SPECC1: variants seen among roughly 807,000 people sequenced by gnomAD.
SPECC1 encodes the protein cytospin-B.
Under a neutral mutation model 104.1 loss-of-function variants are expected in SPECC1, and 62 were observed. That is an observed-to-expected ratio of 0.60 (90% confidence interval 0.49 to 0.74). The LOEUF (loss-of-function observed/expected upper bound fraction) is 0.74. SPECC1 is among the 30% of genes least tolerant of loss of function. The pLI is 0.00. For missense variants in SPECC1, 1,306 were observed against 1,310.5 expected (o/e 1.00, Z 0.05); for synonymous variants, 513 against 501.6 (o/e 1.02, Z -0.30).
intron 10 of SPECC1, among the ~76,000 whole-genome samples, chr17:20,256,414 A>G (rs1943338950): frequency 6.6e-6 from 1 of 152,092 alleles, no homozygotes; most frequent in Non-Finnish European, 1.5e-5. Flanking sequence ...GCAGAAACCA[A>G]AGATTAATGT....
At chr17:20,195,156 C>T (rs893220960) in intron 3 of SPECC1, among the ~76,000 whole-genome samples, 9 of 152,120 alleles carry the variant, frequency 5.9e-5, no homozygotes, top group African/African-American at 1.9e-4. Flanking sequence ...TCTGTTGTTA[C>T]GCTCTCCAAA....
intron 3 of SPECC1, among the ~76,000 whole-genome samples, chr17:20,157,278 A>G (rs1457925053): frequency 6.6e-6 from 1 of 152,018 alleles, no homozygotes; most frequent in African/African-American, 2.4e-5. Context: ...CTTGGGGTAC[A>G]TTGGACTGGT....
chr17:20,112,755 G>GT (rs1415043268), intron 3 of SPECC1: 14 of 1,246,768 alleles, frequency 1.1e-5, no homozygotes, highest in Middle Eastern at 2.7e-4. Context: ...AACCTGAAAG[G>GT]TGTGGATATG....
At chr17:20,304,853 A>G (rs921508510) in intron 13 of SPECC1, among the ~76,000 whole-genome samples, 1 of 152,078 alleles carries the variant, frequency 6.6e-6, no homozygotes, top group Non-Finnish European at 1.5e-5. Context: ...GTGTCAGAAT[A>G]GAATGGCGGC....
chr17:20,115,095 G>T (rs1240854359), intron 3 of SPECC1, among the ~76,000 whole-genome samples: 2 of 152,162 alleles, frequency 1.3e-5, no homozygotes, highest in East Asian at 3.9e-4. Flanking sequence ...GCAGATTTTA[G>T]ATCTAATGTA....
chr17:20,264,627 A>G (rs1598107213), intron 12 of SPECC1, among the ~76,000 whole-genome samples: 1 of 151,878 alleles, frequency 6.6e-6, no homozygotes, highest in East Asian at 1.9e-4. Context: ...GCACCCCACC[A>G]CACCTGGCTA....
At chr17:20,076,864 C>T (rs190820405) in intron 1 of SPECC1, among the ~76,000 whole-genome samples, 1 of 150,846 alleles carries the variant, frequency 6.6e-6, no homozygotes, top group Non-Finnish European at 1.5e-5. Flanking sequence ...CAGAACCAGC[C>T]GACAGTATCA....
intron 12 of SPECC1, among the ~76,000 whole-genome samples, chr17:20,260,843 G>A (rs1475058707): frequency 6.6e-6 from 1 of 152,080 alleles, no homozygotes; most frequent in Non-Finnish European, 1.5e-5. Flanking sequence ...GGTAGGGGAT[G>A]TGGGTCAGTT....
intron 1 of SPECC1, among the ~76,000 whole-genome samples, chr17:20,049,359 C>T (rs1223152677): frequency 2.6e-5 from 4 of 152,030 alleles, no homozygotes; most frequent in Admixed American, 1.3e-4. Context: ...CTGGTACTAT[C>T]ATTTGAGCCC....
chr17:20,186,551 C>T (rs2035291603), intron 3 of SPECC1, among the ~76,000 whole-genome samples: 1 of 152,144 alleles, frequency 6.6e-6, no homozygotes, highest in Admixed American at 6.5e-5. Context: ...AAATGGTTTA[C>T]GTGATTTTTG....
At chr17:20,067,016 G>A (rs928898869) in intron 1 of SPECC1, among the ~76,000 whole-genome samples, 6 of 149,936 alleles carry the variant, frequency 4.0e-5, no homozygotes, top group African/African-American at 1.2e-4. Context: ...CTGCCAAAGT[G>A]CTGAGATTCT....
At chr17:20,245,374 G>A (rs2039377617) in intron 7 of SPECC1, among the ~76,000 whole-genome samples, 1 of 152,140 alleles carries the variant, frequency 6.6e-6, no homozygotes, top group Admixed American at 6.5e-5. Flanking sequence ...TGTCTACATA[G>A]TGAATGCCCG....
chr17:20,058,228 T>C (rs1436941755), intron 1 of SPECC1, among the ~76,000 whole-genome samples: 6 of 152,180 alleles, frequency 3.9e-5, no homozygotes, highest in Non-Finnish European at 7.4e-5. Context: ...TGCGAGCACC[T>C]TTCTCCTTAG....
intron 1 of SPECC1, among the ~76,000 whole-genome samples, chr17:20,020,347 T>C (rs1287147373): frequency 2.0e-5 from 3 of 152,124 alleles, no homozygotes; most frequent in Admixed American, 6.5e-5. Flanking sequence ...ATTTTTTTTA[T>C]TTTTTTGAGA....
At chr17:20,195,349 A>G (rs1195428378) in intron 3 of SPECC1, among the ~76,000 whole-genome samples, 1 of 144,226 alleles carries the variant, frequency 6.9e-6, no homozygotes, top group East Asian at 2.3e-4. Context: ...AGAATTTTAC[A>G]TAACAATTAT....
intron 3 of SPECC1, among the ~76,000 whole-genome samples, chr17:20,115,932 A>G (rs973491424): frequency 1.1e-3 from 167 of 152,344 alleles, no homozygotes; most frequent in African/African-American, 3.5e-3. Context: ...AAATGAGGGA[A>G]CAAAATGATG....
At chr17:20,103,072 G>C (rs1332782639) in intron 2 of SPECC1, among the ~76,000 whole-genome samples, 1 of 152,198 alleles carries the variant, frequency 6.6e-6, no homozygotes, top group Non-Finnish European at 1.5e-5. Flanking sequence ...CCAGGATTCA[G>C]ACCCAGGTGG....
intron 7 of SPECC1, chr17:20,237,315 GT>G (rs10713362): frequency 0.44 from 400,147 of 902,484 alleles, 28,864 homozygotes; most frequent in African/African-American, 0.67. Context: ...GTTTTGTTTT[GT>G]TTTTTTTTTT....
chr17:20,208,832 C>T (rs1025615551), intron 4 of SPECC1, among the ~76,000 whole-genome samples: 2 of 152,156 alleles, frequency 1.3e-5, no homozygotes, highest in Non-Finnish European at 2.9e-5. Flanking sequence ...GACAGGTTCT[C>T]GTTTTGTCAC....
Sources: gnomAD v4.1 joint callset for allele counts (sites outside exome capture counted in the v4.1 genomes callset) on GRCh38, gnomAD v4.1.1 for gene constraint, MANE v1.5 for transcripts, NCBI Gene and HGNC (gene_info 2026-07-23, HGNC 2026-07-21) for gene names.